The following ZNF385D variants were observed in gnomAD, a reference collection of about 807,000 sequenced individuals.
ZNF385D encodes zinc finger protein 385D.
Under a neutral mutation model 35.8 loss-of-function variants are expected in ZNF385D, and 15 were observed. The observed-to-expected ratio is 0.42, with a 90% CI of 0.28 to 0.64. The LOEUF (loss-of-function observed/expected upper bound fraction) is 0.64. ZNF385D is among the 30% of genes least tolerant of loss of function. The pLI is 0.23. For missense variants in ZNF385D, 474 were observed against 494.6 expected (o/e 0.96, Z 0.39); for synonymous variants, 212 against 186.8 (o/e 1.13, Z -1.10).
intron 3 of ZNF385D, among the ~76,000 whole-genome samples, chr3:22,134,804 G>A (rs757178980): frequency 6.6e-6 from 1 of 152,098 alleles, no homozygotes; most frequent in African/African-American, 2.4e-5. Flanking sequence ...ACAAGAGAGA[G>A]AGATAGTGAT....
chr3:22,121,752 T>C (rs1055528960), intron 3 of ZNF385D, among the ~76,000 whole-genome samples: 14 of 152,068 alleles, frequency 9.2e-5, no homozygotes, highest in Non-Finnish European at 2.1e-4. Context: ...TTTTAAAAGT[T>C]TTCTTTCCCT....
At chr3:21,800,845 AT>A (rs1289758280) in intron 3 of ZNF385D, among the ~76,000 whole-genome samples, 1 of 151,928 alleles carries the variant, frequency 6.6e-6, no homozygotes, top group African/African-American at 2.4e-5. Context: ...TTCTTTTTCA[AT>A]TTGTATACTT....
At chr3:22,266,362 G>A (rs1049955583) in intron 2 of ZNF385D, among the ~76,000 whole-genome samples, 6 of 151,908 alleles carry the variant, frequency 3.9e-5, no homozygotes, top group Non-Finnish European at 8.8e-5. Context: ...GAATGTAGAA[G>A]CAAAATTAAC....
At chr3:22,149,985 C>G (rs1392777413) in intron 3 of ZNF385D, among the ~76,000 whole-genome samples, 1 of 152,080 alleles carries the variant, frequency 6.6e-6, no homozygotes, top group Non-Finnish European at 1.5e-5. Flanking sequence ...TCCTAAAGCC[C>G]TTTATGTCCA....
intron 4 of ZNF385D, among the ~76,000 whole-genome samples, chr3:21,462,828 A>G (rs1419907799): frequency 1.3e-5 from 2 of 152,110 alleles, no homozygotes; most frequent in Non-Finnish European, 2.9e-5. Flanking sequence ...CTAAATATAT[A>G]AAAATTAGCT....
chr3:22,124,595 T>A (rs1260174749), intron 3 of ZNF385D, among the ~76,000 whole-genome samples: 3 of 152,172 alleles, frequency 2.0e-5, no homozygotes, highest in South Asian at 2.1e-4. Context: ...TTATTGCTCA[T>A]CTTTTGGATA....
At chr3:21,468,401 CAAAAAAAAAAAA>C (rs1175784477) in intron 4 of ZNF385D, among the ~76,000 whole-genome samples, 2 of 72,640 alleles carry the variant, frequency 2.8e-5, no homozygotes, top group East Asian at 4.6e-4. Flanking sequence ...GACACTGTCT[CAAAAAAAAAAAA>C]AAAAAAAAAA....
At chr3:22,288,115 A>G (rs976254467) in intron 2 of ZNF385D, among the ~76,000 whole-genome samples, 2 of 152,106 alleles carry the variant, frequency 1.3e-5, no homozygotes, top group African/African-American at 4.8e-5. Flanking sequence ...TTGCTAAAAA[A>G]AAATCCACTA....
At chr3:21,572,334 A>G (rs765003314) in intron 2 of ZNF385D, among the ~76,000 whole-genome samples, 1 of 152,124 alleles carries the variant, frequency 6.6e-6, no homozygotes, top group Non-Finnish European at 1.5e-5. Context: ...AATGATATTT[A>G]TTTTGCTTTT....
At chr3:21,992,584 C>G (rs1576104902) in intron 3 of ZNF385D, among the ~76,000 whole-genome samples, 1 of 152,076 alleles carries the variant, frequency 6.6e-6, no homozygotes, top group East Asian at 1.9e-4. Flanking sequence ...CTTTCTCAGG[C>G]TATGTTAATA....
intron 3 of ZNF385D, among the ~76,000 whole-genome samples, chr3:21,962,229 G>C (rs1031804012): frequency 2.0e-5 from 3 of 152,138 alleles, no homozygotes; most frequent in South Asian, 2.1e-4. Context: ...TGGATGTAAA[G>C]AGAAGTAGAG....
At chr3:22,096,932 C>A (rs1311189516) in intron 3 of ZNF385D, among the ~76,000 whole-genome samples, 2 of 152,074 alleles carry the variant, frequency 1.3e-5, no homozygotes, top group African/African-American at 4.8e-5. Context: ...ACTCTCCAAG[C>A]CCAAATCTTC....
In ZNF385D at chr3:21,872,568, A is replaced by C. The variant is rs1376833465; in HGVS notation, c.326-207540T>G. ...AATCTAGAAGTCTTTGAATTAGATA[A>C]GTTTTATATCACTCTTGTACACTTC... On this transcript the variant is annotated intron_variant, in intron 3 of 5. Transcript: ENST00000494108. 5.9e-5 allele frequency among the ~76,000 whole-genome samples: 9 copies of C among 152,134 alleles called. No individual in the cohort carries two copies. In the East Asian group the frequency reaches 1.7e-3, roughly 29 times the overall value.
intron 1 of ZNF385D, among the ~76,000 whole-genome samples, chr3:21,701,300 AAAAATGAG>A (rs57214158): frequency 0.99 from 151,032 of 151,946 alleles, 75,061 homozygotes; most frequent in Middle Eastern, 1. Context: ...GTGGCAAGAG[AAAAATGAG>A]AAAATGAGGA....
At chr3:22,049,297 A>AAAAATAAAAT (rs148136551) in intron 3 of ZNF385D, among the ~76,000 whole-genome samples, 5,629 of 141,504 alleles carry the variant, frequency 0.04, 235 homozygotes, top group African/African-American at 0.097. Context: ...ACTCAATCTC[A>AAAAATAAAAT]AAAATAAAAT....
At chr3:21,478,647 G>A (rs1053923065) in intron 4 of ZNF385D, among the ~76,000 whole-genome samples, 25 of 152,056 alleles carry the variant, frequency 1.6e-4, no homozygotes, top group Non-Finnish European at 2.6e-4. Flanking sequence ...ACGCTTAGGC[G>A]TAACTTAGCC....
At chr3:21,926,523 C>A (rs998654505) in intron 3 of ZNF385D, among the ~76,000 whole-genome samples, 1 of 152,102 alleles carries the variant, frequency 6.6e-6, no homozygotes, top group East Asian at 1.9e-4. Flanking sequence ...TTTTCTTTAT[C>A]CAGTCTATCA....
Position 21,779,077 on chromosome 3 carries a change from C to A in ZNF385D, c.326-114049G>T, listed in dbSNP as rs369211442. 1.9e-4 allele frequency among the ~76,000 whole-genome samples: 29 copies of A among 152,054 alleles called. No individual in the cohort carries two copies. In the East Asian group the frequency reaches 3.3e-3, roughly 17 times the overall value. ...GACATAAAGGTACACTGTTCTTAGGCTGGAGGTGGCAAAAATCAACCACAG... is the reference window on the plus strand; with the variant it reads ...GACATAAAGGTACACTGTTCTTAGGATGGAGGTGGCAAAAATCAACCACAG... On this transcript the variant is annotated intron_variant, in intron 3 of 5. Transcript: ENST00000494108.
intron 3 of ZNF385D, chr3:21,978,246 T>C (rs1176971435): frequency 6.6e-6 from 1 of 152,214 alleles, no homozygotes; most frequent in Non-Finnish European, 1.5e-5. Context: ...GTCTGTTTCT[T>C]ACTTTGTTGC....
Sources: allele counts gnomAD v4.1 joint callset (sites outside exome capture counted in the v4.1 genomes callset), GRCh38; gene constraint gnomAD v4.1.1; transcripts MANE v1.5; gene names NCBI Gene and HGNC (gene_info 2026-07-23, HGNC 2026-07-21).